MANBA: variants seen among roughly 807,000 people sequenced by gnomAD.
MANBA encodes beta-mannosidase.
Under a neutral mutation model 111.1 loss-of-function variants are expected in MANBA, and 83 were observed. The observed-to-expected ratio is 0.75, with a 90% CI of 0.63 to 0.90. The LOEUF (loss-of-function observed/expected upper bound fraction) is 0.90, where lower values mean the gene tolerates loss of function less well. Among genes scored for constraint, MANBA ranks in the 40% least tolerant of loss-of-function variants. The probability of loss-of-function intolerance (pLI) is 0.00; values close to 1 mark genes in which losing one functional copy is unlikely to be tolerated. For missense variants in MANBA, 1,036 were observed against 1,069.0 expected, an observed-to-expected ratio of 0.97 and a Z score of 0.43; for synonymous variants, 370 against 378.7, an observed-to-expected ratio of 0.98 and a Z score of 0.27.
intron 12 of MANBA, among the ~76,000 whole-genome samples, chr4:102,657,228 G>GA (rs1560752384): frequency 1.7e-5 from 2 of 120,698 alleles, no homozygotes; most frequent in Admixed American, 1.8e-4. Context: ...GGGGTGGGGG[G>GA]GGGGTGGGCG....
rs6824959 is a variant in MANBA at position 102,743,896 on chromosome 4, C to T, written c.177+16822G>A. 3.5e-3 allele frequency among the ~76,000 whole-genome samples: 540 copies of T among 152,302 alleles called. 3 individuals are homozygous for T. The highest frequency in any genetic ancestry group is 0.012 in the African/African-American group (500 of 41,564). On this transcript the variant is annotated intron_variant, in intron 1 of 16. Coordinates refer to ENST00000647097, the MANE Select transcript of MANBA (RefSeq NM_005908.4). ...GGCTTTGCTCCAAAATCCTAGCAGC[C>T]TCTGCCATGATTCAGCTATGAGGGC... is the stretch of plus-strand genomic sequence containing the variant.
intron 1 of MANBA, among the ~76,000 whole-genome samples, chr4:102,750,832 G>C (rs1292508290): frequency 2.0e-5 from 3 of 152,140 alleles, no homozygotes; most frequent in African/African-American, 7.2e-5. Context: ...AGGATAGCTT[G>C]AGTCCAGGAG....
At chr4:102,651,011 T>A (rs935509470) in intron 12 of MANBA, among the ~76,000 whole-genome samples, 2 of 152,110 alleles carry the variant, frequency 1.3e-5, no homozygotes, top group Admixed American at 1.3e-4. Context: ...TTTTGAAACA[T>A]CCACTATATG....
At chr4:102,674,917 A>G (rs1731660669) in intron 7 of MANBA, among the ~76,000 whole-genome samples, 1 of 152,270 alleles carries the variant, frequency 6.6e-6, no homozygotes, top group Non-Finnish European at 1.5e-5. Context: ...TAGTCAAATT[A>G]TTTCATGTAA....
At chr4:102,742,763 G>GT (rs1328396486) in intron 1 of MANBA, among the ~76,000 whole-genome samples, 2 of 152,226 alleles carry the variant, frequency 1.3e-5, no homozygotes, top group African/African-American at 4.8e-5. Context: ...CATATCCAGA[G>GT]TAAGTGTCCA....
At chr4:102,749,944 T>C (rs969624723) in intron 1 of MANBA, among the ~76,000 whole-genome samples, 1 of 152,188 alleles carries the variant, frequency 6.6e-6, no homozygotes, top group African/African-American at 2.4e-5. Flanking sequence ...ATACCCTAAA[T>C]ACACCTCATG....
chr4:102,736,336 T>A (rs551516970), intron 1 of MANBA, among the ~76,000 whole-genome samples: 1 of 152,364 alleles, frequency 6.6e-6, no homozygotes, highest in African/African-American at 2.4e-5. Flanking sequence ...ATATTTACTA[T>A]GTTTACTGTA....
Position 102,673,957 on chromosome 4 carries a change from G to A in MANBA, c.1074C>T (p.Ile358=), listed in dbSNP as rs1731610409. 6.2e-7 allele frequency: 1 copy of A among 1,611,280 alleles called. No homozygotes were observed. The highest frequency in any genetic ancestry group is 8.5e-7 in the Non-Finnish European group (1 of 1,177,490). The change falls in exon 8 of 17, where the codon ATC becomes ATT. Residue 358 remains isoleucine, a synonymous_variant. Coordinates refer to ENST00000647097, the MANE Select transcript of MANBA (RefSeq NM_005908.4). ...FPIFLKGSNW[I]PADSFQDRVT... ...CTCGGTCCTGGAATGAATCTGCTGG[G>A]ATCCAGTTTGAGCCTTTTAGAAATA...
At chr4:102,699,530 C>T (rs571814631) in intron 5 of MANBA, among the ~76,000 whole-genome samples, 111 of 150,326 alleles carry the variant, frequency 7.4e-4, no homozygotes, top group South Asian at 2.1e-3. Flanking sequence ...GAGATACGTC[C>T]CATCAATACC....
chr4:102,688,213 G>A (rs1229100238), intron 7 of MANBA, among the ~76,000 whole-genome samples: 3 of 152,004 alleles, frequency 2.0e-5, no homozygotes, highest in East Asian at 1.9e-4. Flanking sequence ...AGAGGGGTAC[G>A]ACAAGAGTGA....
chr4:102,632,087 A>G lies in MANBA; in HGVS notation c.2610T>C (p.Phe870=). The G allele has an allele frequency of 2.5e-6, 4 of 1,609,492 alleles. No individual in the cohort carries two copies. Among genetic ancestry groups the G allele is most frequent in the Non-Finnish European group, 3.4e-6 (4 of 1,176,884 alleles). ...PTSKNELEQS[F]HVTSLTDIY ...AAATATCTGTTAAGGAGGTCACATG[A>G]AAAGATTGCTCCAACTCATTCTTGC... Residue 870 remains phenylalanine (F), a synonymous_variant, in exon 17 of 17, where the codon TTT becomes TTC. Coordinates refer to ENST00000647097, the MANE Select transcript of MANBA (RefSeq NM_005908.4).
At chr4:102,646,576 G>A (rs553679088) in intron 13 of MANBA, among the ~76,000 whole-genome samples, 20 of 152,242 alleles carry the variant, frequency 1.3e-4, no homozygotes, top group Non-Finnish European at 2.1e-4. Flanking sequence ...CTAAGGGCTT[G>A]GTAATTAATG....
chr4:102,709,996 T>C (rs1721986734), intron 5 of MANBA, among the ~76,000 whole-genome samples: 1 of 152,158 alleles, frequency 6.6e-6, no homozygotes, highest in South Asian at 2.1e-4. Flanking sequence ...AAATTAGTCA[T>C]AGAAGGAGCA....
intron 1 of MANBA, chr4:102,729,518 C>T: frequency 2.2e-6 from 2 of 918,380 alleles, no homozygotes; most frequent in Non-Finnish European, 1.8e-6. Context: ...TTGATCTCGT[C>T]AGTCAGCCCT....
intron 4 of MANBA, among the ~76,000 whole-genome samples, chr4:102,720,713 C>A (rs921547804): frequency 1.3e-5 from 2 of 152,078 alleles, no homozygotes; most frequent in African/African-American, 2.4e-5. Context: ...CTTATCCAGA[C>A]TTATAAGCAG....
rs548155577 is a variant in MANBA, at chr4:102,748,176, C to T, written c.177+12542G>A. 9.9e-5 allele frequency among the ~76,000 whole-genome samples: 15 copies of T among 152,248 alleles called. No homozygotes were observed. The South Asian group carries it at 3.1e-3, about 32-fold the overall frequency. On this transcript the variant is annotated intron_variant, in intron 1 of 16. Coordinates refer to ENST00000647097, the MANE Select transcript of MANBA (RefSeq NM_005908.4). ...TTTGATCCCCAGCTTAATCCTAATA[C>T]CTGTGAGTCTTTGTGAAGCTCAAAA...
chr4:102,697,360 TTTA>T (rs1732766808), intron 5 of MANBA, among the ~76,000 whole-genome samples: 2 of 152,064 alleles, frequency 1.3e-5, no homozygotes, highest in South Asian at 4.1e-4. Flanking sequence ...ATTTTATTTT[TTTA>T]TTATTATTAT....
intron 4 of MANBA, among the ~76,000 whole-genome samples, chr4:102,718,473 T>C (rs538000641): frequency 1.2e-4 from 19 of 152,250 alleles, no homozygotes; most frequent in African/African-American, 4.6e-4. Flanking sequence ...ATAATATAAC[T>C]TTTAGGAGAA....
At chr4:102,740,879 G>T (rs1421620632) in intron 1 of MANBA, among the ~76,000 whole-genome samples, 1 of 151,778 alleles carries the variant, frequency 6.6e-6, no homozygotes, top group Non-Finnish European at 1.5e-5. Flanking sequence ...AACTCTTCTA[G>T]ACATTGGTTT....
Sources: allele counts gnomAD v4.1 joint callset (sites outside exome capture counted in the v4.1 genomes callset), GRCh38; gene constraint gnomAD v4.1.1; transcripts MANE v1.5; gene names NCBI Gene and HGNC (gene_info 2026-07-23, HGNC 2026-07-21).